The following JHY variants were observed in gnomAD, a reference collection of about 807,000 sequenced individuals.
The protein encoded by JHY is junctional cadherin complex regulator, also known as jhy protein homolog.
A neutral mutation model predicts 78.0 loss-of-function variants in JHY; 69 were observed. The observed-to-expected ratio is 0.88, with a 90% confidence interval of 0.73 to 1.08. The LOEUF (loss-of-function observed/expected upper bound fraction) is 1.08, where lower values mean the gene tolerates loss of function less well. JHY is among the 50% of genes least tolerant of loss of function. The pLI is 0.00. For missense variants in JHY, 944 were observed against 927.8 expected (o/e 1.02, Z -0.23); for synonymous variants, 368 against 342.6 (o/e 1.07, Z -0.82).
intron 6 of JHY, among the ~76,000 whole-genome samples, chr11:122,948,442 TTAATAA>T (rs10527069): frequency 0.016 from 2,283 of 143,476 alleles, 46 homozygotes; most frequent in African/African-American, 0.051. Context: ...AAACTTTGTC[TTAATAA>T]TAATAATAAT....
At chr11:122,929,974 C>T (rs1863602333) in intron 4 of JHY, among the ~76,000 whole-genome samples, 2 of 152,140 alleles carry the variant, frequency 1.3e-5, no homozygotes, top group Non-Finnish European at 1.5e-5. Flanking sequence ...GGAGAAGGAA[C>T]GCTCTATGGC....
At chr11:122,925,749 G>A (rs1236421171) in intron 4 of JHY, among the ~76,000 whole-genome samples, 1 of 151,902 alleles carries the variant, frequency 6.6e-6, no homozygotes, top group Non-Finnish European at 1.5e-5. Context: ...CAGGCCCGTT[G>A]GCTCATGCCT....
rs111267761 is a variant in JHY at position 122,961,352 on chromosome 11, A to C, written c.*1907A>C. ...TGCTGTTGTTGTTGTTTTTAGACAG[A>C]CTCTCGCTCTGTCACCCAGGCTGGA... On this transcript the variant is annotated 3_prime_UTR_variant, in exon 9 of 9. Transcript: ENST00000227349. Among the ~76,000 whole-genome samples, 838 of 151,314 alleles carry C rather than the reference A, an allele frequency of 5.5e-3. 12 individuals are homozygous for C. The highest frequency in any genetic ancestry group is 0.02 in the African/African-American group (821 of 41,186).
Position 122,960,807 on chromosome 11 carries a change from C to A in JHY, c.*1362C>A. The A allele has an allele frequency of 1.7e-6, 1 of 574,666 alleles. No individual in the cohort carries two copies. Among genetic ancestry groups the A allele is most frequent in the South Asian group, 1.6e-5 (1 of 62,392 alleles). The allele number at this position is 574,666 out of a possible 1,614,324, so 35.6% of individuals were successfully genotyped here. A position where few individuals can be genotyped will look rare whatever the true frequency, so the allele number is the denominator to read the frequency against. Reference sequence around the variant, plus strand: ...TGATTTGGAGAAGTCGCAGCGCTCACTGGTTCAGAAGCGCCATTACCTTTT... The same window carrying A: ...TGATTTGGAGAAGTCGCAGCGCTCAATGGTTCAGAAGCGCCATTACCTTTT... On this transcript the variant is annotated 3_prime_UTR_variant, in exon 9 of 9. Coordinates refer to ENST00000227349, the MANE Select transcript of JHY (RefSeq NM_024806.4).
chr11:122,957,330 C>T, intron 7 of JHY, 33 bp from the exon 8 acceptor site: 1 of 1,504,604 alleles, frequency 6.6e-7, no homozygotes, highest in Non-Finnish European at 8.8e-7. Context: ...CTAGCAGCAC[C>T]TGGATTCATC....
At chr11:122,918,477 T>C (rs1377726555) in intron 3 of JHY, among the ~76,000 whole-genome samples, 1 of 151,132 alleles carries the variant, frequency 6.6e-6, no homozygotes, top group Admixed American at 6.6e-5. Context: ...CCTGAGAAGA[T>C]ATGGAGGAGG....
chr11:122,926,044 C>T (rs1200899324), intron 4 of JHY, among the ~76,000 whole-genome samples: 2 of 148,534 alleles, frequency 1.3e-5, no homozygotes, highest in Non-Finnish European at 3.0e-5. Context: ...AAAGATTAGC[C>T]AGGCATGATG....
chr11:122,934,050 C>T (rs1303908446), intron 4 of JHY, among the ~76,000 whole-genome samples: 2 of 152,102 alleles, frequency 1.3e-5, no homozygotes, highest in Admixed American at 6.6e-5. Flanking sequence ...TCTTTCTAGG[C>T]TTATAATCCT....
chr11:122,957,390 T>G lies in JHY; in HGVS notation c.2038T>G (p.Tyr680Asp). The part of the protein sequence containing the change: ...KTQKLIQQKE[Y>D]AKQVKEYNMK... ...GCAAAAATTAATACAGCAAAAGGAA[T>G]ATGCAAAACAAGTCAAGGAGTACAA... The change falls in exon 8 of 9, where the codon TAT (tyrosine) becomes GAT (aspartate). Residue 680 changes from tyrosine to aspartate, a missense_variant. Coordinates refer to ENST00000227349, the MANE Select transcript of JHY (RefSeq NM_024806.4). 1 of 1,533,200 alleles carries G rather than the reference T, an allele frequency of 6.5e-7. No individual in the cohort carries two copies. Among genetic ancestry groups the G allele is most frequent in the Non-Finnish European group, 8.7e-7 (1 of 1,153,168 alleles). The allele number at this position is 1,533,200 out of a possible 1,614,324, so 95.0% of individuals were successfully genotyped here. A position where few individuals can be genotyped will look rare whatever the true frequency, so the allele number is the denominator to read the frequency against.
At chr11:122,954,953 A>G (rs1565339632) in intron 6 of JHY, among the ~76,000 whole-genome samples, 2 of 152,212 alleles carry the variant, frequency 1.3e-5, no homozygotes, top group African/African-American at 4.8e-5. Flanking sequence ...CATTTTAAGT[A>G]GTAACTTACG....
chr11:122,960,717 G>T lies in JHY; in HGVS notation c.*1272G>T. On this transcript the variant is annotated 3_prime_UTR_variant, in exon 9 of 9. Coordinates refer to ENST00000227349, the MANE Select transcript of JHY (RefSeq NM_024806.4). ...TGGAGAATCTGCTTATCAACTCAAT[G>T]AGCAAAACATTGCCCAACTAGAAGA... The T allele has an allele frequency of 4.6e-6, 2 of 431,720 alleles. No homozygotes were observed. The highest frequency in any genetic ancestry group is 4.4e-5 in the South Asian group (2 of 45,444). 26.7% of individuals were successfully genotyped at this position (431,720 alleles called of 1,614,324 possible).
chr11:122,903,417 C>T (rs1259369308), intron 2 of JHY, among the ~76,000 whole-genome samples: 3 of 151,996 alleles, frequency 2.0e-5, no homozygotes, highest in Admixed American at 6.6e-5. Context: ...GGCCTTTCGC[C>T]CTTATGTGTA....
chr11:122,918,124 CT>C (rs1863272011), intron 3 of JHY, among the ~76,000 whole-genome samples: 2 of 151,462 alleles, frequency 1.3e-5, no homozygotes, highest in Admixed American at 6.6e-5. Context: ...TGGTCTCGAA[CT>C]CCTGGTTTCA....
chr11:122,903,554 C>T (rs1421831072), intron 2 of JHY, among the ~76,000 whole-genome samples: 1 of 152,178 alleles, frequency 6.6e-6, no homozygotes, highest in Non-Finnish European at 1.5e-5. Context: ...TTATAGCTCA[C>T]TGTAGCCTCT....
chr11:122,953,567 A>T (rs1485272812), intron 6 of JHY, among the ~76,000 whole-genome samples: 1 of 150,756 alleles, frequency 6.6e-6, no homozygotes, highest in African/African-American at 2.4e-5. Flanking sequence ...GCACCATTGT[A>T]CTCCAGCCTG....
intron 3 of JHY, among the ~76,000 whole-genome samples, chr11:122,915,057 A>T (rs1863206928): frequency 1.3e-5 from 2 of 152,060 alleles, no homozygotes; most frequent in African/African-American, 4.8e-5. Flanking sequence ...AGAAAAAAAA[A>T]TTTTCCACAT....
chr11:122,913,807 T>C (rs1366115405), intron 3 of JHY, among the ~76,000 whole-genome samples: 1 of 152,204 alleles, frequency 6.6e-6, no homozygotes. Flanking sequence ...CTTAAGATCA[T>C]GAACTTGTTC....
At chr11:122,925,854 A>G (rs993904295) in intron 4 of JHY, among the ~76,000 whole-genome samples, 2 of 152,034 alleles carry the variant, frequency 1.3e-5, no homozygotes, top group Non-Finnish European at 2.9e-5. Flanking sequence ...CATCTCTACT[A>G]AAAATTACAA....
rs187230903 is a variant in JHY, at chr11:122,900,718, C to T, written c.345-3207C>T. Among the ~76,000 whole-genome samples the T allele has an allele frequency of 3.2e-3, 481 of 152,162 alleles. 1 individual carries two copies. In the Middle Eastern group the frequency reaches 0.034, roughly 11 times the overall value. On this transcript the variant is annotated intron_variant, in intron 2 of 8. Transcript: ENST00000227349. ...ACATTCTGACCTATCGACTGAGCTT[C>T]GTGTGCATAGCTGACAGCCAAGAGG... is the stretch of plus-strand genomic sequence containing the variant.
Sources: allele counts gnomAD v4.1 joint callset (sites outside exome capture counted in the v4.1 genomes callset), GRCh38; gene constraint gnomAD v4.1.1; transcripts MANE v1.5; gene names NCBI Gene and HGNC (gene_info 2026-07-23, HGNC 2026-07-21).